CTNND2: variants seen among roughly 807,000 people sequenced by gnomAD.
CTNND2 encodes catenin delta-2.
A neutral mutation model predicts 144.4 loss-of-function variants in CTNND2; 22 were observed. That is an observed-to-expected ratio of 0.15 (90% CI 0.11 to 0.22). CTNND2 has a LOEUF of 0.22. Among genes scored for constraint, CTNND2 ranks in the 10% least tolerant of loss-of-function variants. The pLI, the probability that CTNND2 is intolerant of heterozygous loss-of-function variation, is 1.00. For missense variants in CTNND2, 1,353 were observed against 1,618.8 expected (o/e 0.84, Z 2.82); for synonymous variants, 751 against 695.6 (o/e 1.08, Z -1.25).
At chr5:11,081,232 A>AC (rs1554039209) in intron 16 of CTNND2, among the ~76,000 whole-genome samples, 1 of 151,888 alleles carries the variant, frequency 6.6e-6, no homozygotes, top group Non-Finnish European at 1.5e-5. Flanking sequence ...AGAAGAACAG[A>AC]TTTTTTGAGA....
intron 10 of CTNND2, among the ~76,000 whole-genome samples, chr5:11,227,865 T>C (rs1740527364): frequency 1.3e-5 from 2 of 152,152 alleles, no homozygotes; most frequent in South Asian, 4.1e-4. Context: ...ATGAGCTGTC[T>C]TCCATGAGTT....
At chr5:11,343,583 T>C (rs915443090) in intron 9 of CTNND2, among the ~76,000 whole-genome samples, 1 of 152,212 alleles carries the variant, frequency 6.6e-6, no homozygotes, top group Non-Finnish European at 1.5e-5. Context: ...AATAAAAATG[T>C]TCGTGCCAAC....
chr5:10,997,292 G>A (rs969336599), intron 18 of CTNND2, among the ~76,000 whole-genome samples: 4 of 152,138 alleles, frequency 2.6e-5, no homozygotes, highest in Non-Finnish European at 4.4e-5. Context: ...GTATGGGAAC[G>A]ATTAAAAACA....
chr5:11,768,587 G>C (rs1370367808), intron 1 of CTNND2, among the ~76,000 whole-genome samples: 1 of 152,142 alleles, frequency 6.6e-6, no homozygotes, highest in African/African-American at 2.4e-5. Flanking sequence ...CACCACACCT[G>C]GGTGTTATTA....
At chr5:11,292,429 G>A (rs930839472) in intron 9 of CTNND2, among the ~76,000 whole-genome samples, 4 of 151,786 alleles carry the variant, frequency 2.6e-5, no homozygotes, top group African/African-American at 9.7e-5. Flanking sequence ...CCAAAATCTT[G>A]TCTCAAATTG....
At chr5:11,376,447 T>C (rs1202336322) in intron 7 of CTNND2, among the ~76,000 whole-genome samples, 1 of 152,272 alleles carries the variant, frequency 6.6e-6, no homozygotes, top group East Asian at 1.9e-4. Context: ...TTCCAATTCC[T>C]CAGTAATCTT....
intron 9 of CTNND2, among the ~76,000 whole-genome samples, chr5:11,307,893 G>A (rs1425345504): frequency 6.6e-6 from 1 of 152,104 alleles, no homozygotes; most frequent in Non-Finnish European, 1.5e-5. Context: ...TGAGGACTTT[G>A]GGAGGTGATT....
intron 8 of CTNND2, among the ~76,000 whole-genome samples, chr5:11,355,018 C>T (rs1012122680): frequency 1.6e-4 from 25 of 152,056 alleles, no homozygotes; most frequent in East Asian, 9.6e-4. Flanking sequence ...TGAAATTAAA[C>T]GGCAAATTAA....
chr5:11,229,671 T>C (rs1740771989), intron 10 of CTNND2, among the ~76,000 whole-genome samples: 1 of 142,198 alleles, frequency 7.0e-6, no homozygotes, highest in Non-Finnish European at 1.6e-5. Flanking sequence ...TGTGTGTGTG[T>C]GTATATATAT....
intron 3 of CTNND2, among the ~76,000 whole-genome samples, chr5:11,487,158 C>G (rs1768911335): frequency 6.6e-6 from 1 of 152,150 alleles, no homozygotes; most frequent in African/African-American, 2.4e-5. Context: ...CATGTCAAAA[C>G]TAATTATAAA....
At chr5:11,202,802 T>C (rs1463787211) in intron 10 of CTNND2, among the ~76,000 whole-genome samples, 1 of 152,114 alleles carries the variant, frequency 6.6e-6, no homozygotes, top group Non-Finnish European at 1.5e-5. Context: ...TTTTTTTTCT[T>C]TTTCTTTTTC....
intron 1 of CTNND2, among the ~76,000 whole-genome samples, chr5:11,767,512 C>T (rs1279377316): frequency 6.6e-6 from 1 of 152,200 alleles, no homozygotes; most frequent in Admixed American, 6.5e-5. Context: ...TAGAAATGAA[C>T]CACGAACAAG....
intron 12 of CTNND2, among the ~76,000 whole-genome samples, chr5:11,156,066 A>T (rs1475742238): frequency 6.6e-6 from 1 of 152,172 alleles, no homozygotes; most frequent in African/African-American, 2.4e-5. Context: ...ACAGCCACTG[A>T]TATTGGTACA....
chr5:11,046,824 TAAAACAAAAC>T (rs532384218), intron 16 of CTNND2, among the ~76,000 whole-genome samples: 174 of 152,030 alleles, frequency 1.1e-3, no homozygotes, highest in African/African-American at 3.5e-3. Flanking sequence ...CCAAATCTGT[TAAAACAAAAC>T]AAAACAAAAC....
chr5:11,027,736 G>A (rs909918992), intron 16 of CTNND2, among the ~76,000 whole-genome samples: 5 of 151,974 alleles, frequency 3.3e-5, no homozygotes, highest in African/African-American at 9.7e-5. Flanking sequence ...CTTCATTCTC[G>A]AACTCTTCTG....
chr5:11,449,017 T>C (rs989956802), intron 3 of CTNND2, among the ~76,000 whole-genome samples: 4 of 152,060 alleles, frequency 2.6e-5, no homozygotes, highest in Non-Finnish European at 5.9e-5. Context: ...AATTTTTTTT[T>C]TTTTTAATCC....
intron 10 of CTNND2, among the ~76,000 whole-genome samples, chr5:11,218,648 T>C (rs1342342631): frequency 6.6e-6 from 1 of 152,212 alleles, no homozygotes; most frequent in Non-Finnish European, 1.5e-5. Flanking sequence ...TAGCTTGAAC[T>C]ACGTTGAATA....
intron 18 of CTNND2, among the ~76,000 whole-genome samples, chr5:10,993,771 G>A (rs949766085): frequency 1.3e-5 from 2 of 151,888 alleles, no homozygotes; most frequent in African/African-American, 4.8e-5. Context: ...AGTAGAACAG[G>A]AATAACGAGA....
intron 14 of CTNND2, among the ~76,000 whole-genome samples, chr5:11,109,291 C>A (rs1752716133): frequency 6.6e-6 from 1 of 152,150 alleles, no homozygotes; most frequent in South Asian, 2.1e-4. Flanking sequence ...TCTGATACTT[C>A]TAGTATGGTT....
Sources: gnomAD v4.1 joint callset for allele counts (sites outside exome capture counted in the v4.1 genomes callset) on GRCh38, gnomAD v4.1.1 for gene constraint, MANE v1.5 for transcripts, NCBI Gene and HGNC (gene_info 2026-07-23, HGNC 2026-07-21) for gene names.